AGBL1: variants seen among roughly 807,000 people sequenced by gnomAD.
AGBL1 encodes cytosolic carboxypeptidase 4.
A neutral mutation model predicts 118.9 loss-of-function variants in AGBL1; 130 were observed. The observed-to-expected ratio is 1.09, with a 90% confidence interval of 0.95 to 1.26. The LOEUF (loss-of-function observed/expected upper bound fraction) is 1.26. AGBL1 is among the 50% of genes most tolerant of loss of function. AGBL1 has a pLI of 0.00. For missense variants in AGBL1, 1,584 were observed against 1,298.1 expected, an observed-to-expected ratio of 1.22 and a Z score of -3.38; for synonymous variants, 555 against 478.9, an observed-to-expected ratio of 1.16 and a Z score of -2.08.
chr15:86,919,741 C>T (rs761667181), downstream of AGBL1, among the ~76,000 whole-genome samples: 26 of 152,314 alleles, frequency 1.7e-4, no homozygotes, highest in Admixed American at 1.2e-3. Flanking sequence ...GAAGCGACTG[C>T]GGCAAGCTCT....
rs58824729 is a variant in AGBL1 at position 86,402,187 on chromosome 15, G to GTTATTTAT, written c.2555+4664_2555+4671dup. Among the ~76,000 whole-genome samples, 87 of 151,346 alleles carry GTTATTTAT rather than the reference G, an allele frequency of 5.7e-4. 1 individual carries two copies. Among genetic ancestry groups the GTTATTTAT allele is most frequent in the African/African-American group, 2.0e-3 (84 of 41,124 alleles). On this transcript the variant is annotated intron_variant, in intron 18 of 22. Transcript: ENST00000614907. ...CCTCCTTGGTTAAGTGTATTTCTAG[G>GTTATTTAT]TTATTTATTTATTTATTTATTTATT...
At chr15:86,108,329 A>G (rs1040649346) in intron 1 of AGBL1, among the ~76,000 whole-genome samples, 6 of 152,334 alleles carry the variant, frequency 3.9e-5, no homozygotes, top group African/African-American at 7.2e-5. Flanking sequence ...GTTTAAGGGC[A>G]TGGGGAATTT....
intron 22 of AGBL1, among the ~76,000 whole-genome samples, chr15:86,794,570 T>C (rs1489640546): frequency 6.6e-6 from 1 of 152,178 alleles, no homozygotes; most frequent in Admixed American, 6.5e-5. Context: ...AGCTACTGAA[T>C]TGTACACAGT....
intron 22 of AGBL1, among the ~76,000 whole-genome samples, chr15:86,800,577 A>G (rs1166497466): frequency 6.6e-6 from 1 of 152,098 alleles, no homozygotes; most frequent in Non-Finnish European, 1.5e-5. Context: ...TGGTTTACAA[A>G]TTTGGCTTAG....
At chr15:86,427,113 A>C (rs967821270) in intron 18 of AGBL1, among the ~76,000 whole-genome samples, 1 of 152,172 alleles carries the variant, frequency 6.6e-6, no homozygotes, top group Non-Finnish European at 1.5e-5. Context: ...AAGAAAAAAA[A>C]ATTGACTTCA....
chr15:86,625,400 T>TTTTTTTTC, intron 21 of AGBL1, among the ~76,000 whole-genome samples: 1 of 130,232 alleles, frequency 7.7e-6, no homozygotes, highest in East Asian at 2.5e-4. Context: ...TTTTTTTTTT[T>TTTTTTTTC]ACAAACACAG....
At chr15:86,211,928 G>T (rs559184149) in intron 5 of AGBL1, among the ~76,000 whole-genome samples, 1 of 152,154 alleles carries the variant, frequency 6.6e-6, no homozygotes, top group African/African-American at 2.4e-5. Context: ...TGTTGTTCAC[G>T]CTGGGAACTG....
intron 21 of AGBL1, among the ~76,000 whole-genome samples, chr15:86,651,013 G>A (rs769161000): frequency 2.4e-4 from 37 of 152,184 alleles, no homozygotes; most frequent in Non-Finnish European, 4.4e-4. Context: ...GCTTTCATCT[G>A]AGAAGGAAAT....
chr15:86,340,512 T>C (rs1329170665), intron 17 of AGBL1, among the ~76,000 whole-genome samples: 1 of 152,178 alleles, frequency 6.6e-6, no homozygotes, highest in Non-Finnish European at 1.5e-5. Flanking sequence ...AGGGCTATGC[T>C]GTCACAAGCC....
rs367750645 is a variant in AGBL1 at position 86,827,416 on chromosome 15, T to C, written c.3159-79671T>C. ...ATATATACATATATATATGTGTATA[T>C]ATATATATATATACACATATATATA... On this transcript the variant is annotated intron_variant, in intron 22 of 22. Coordinates refer to ENST00000614907, the MANE Select transcript of AGBL1 (RefSeq NM_001386094.1). 3.2e-3 allele frequency among the ~76,000 whole-genome samples: 25 copies of C among 7,798 alleles called. 2 individuals carry two copies. Among genetic ancestry groups the C allele is most frequent in the African/African-American group, 0.01 (10 of 992 alleles). The allele number at this position is 7,798 out of a possible 152,430, so 5.1% of individuals were successfully genotyped here.
At chr15:86,770,357 GT>G (rs1054012763) in intron 22 of AGBL1, among the ~76,000 whole-genome samples, 1 of 151,842 alleles carries the variant, frequency 6.6e-6, no homozygotes, top group Non-Finnish European at 1.5e-5. Context: ...TCTGGACACG[GT>G]TTTTTTATCT....
chr15:86,484,532 G>A (rs1339109666), intron 18 of AGBL1, among the ~76,000 whole-genome samples: 3 of 152,090 alleles, frequency 2.0e-5, no homozygotes, highest in Non-Finnish European at 4.4e-5. Flanking sequence ...ACCCTCTTGA[G>A]CCCAAAGGTA....
chr15:86,560,022 C>T (rs920651812), intron 21 of AGBL1, among the ~76,000 whole-genome samples: 81 of 152,220 alleles, frequency 5.3e-4, no homozygotes, highest in African/African-American at 1.7e-3. Flanking sequence ...GTTTCTGCTA[C>T]ATTATGTTGA....
Position 86,282,538 on chromosome 15 carries a change from G to A in AGBL1, c.2220+2755G>A, listed in dbSNP as rs77811989. ...AATTTGTTACTTAAAAGTGACAAAT[G>A]TGTATTCTCAATTTTAGGTTTTACA... On this transcript the variant is annotated intron_variant, in intron 16 of 22. Transcript: ENST00000614907. 5.7e-3 allele frequency among the ~76,000 whole-genome samples: 875 copies of A among 152,258 alleles called. 10 individuals are homozygous for A. The highest frequency in any genetic ancestry group is 0.018 in the African/African-American group (762 of 41,558).
At chr15:86,730,434 A>C (rs2077511927) in intron 22 of AGBL1, among the ~76,000 whole-genome samples, 1 of 152,254 alleles carries the variant, frequency 6.6e-6, no homozygotes, top group Non-Finnish European at 1.5e-5. Context: ...TCCATTAAAC[A>C]TGGGCAAAGG....
chr15:86,925,462 C>T (rs1339390501), intron 23 of AGBL1, among the ~76,000 whole-genome samples: 1 of 152,068 alleles, frequency 6.6e-6, no homozygotes, highest in Non-Finnish European at 1.5e-5. Context: ...TACTGATAAT[C>T]AGGAAGCTTT....
At chr15:86,831,866 G>A (rs2141416550) in intron 22 of AGBL1, among the ~76,000 whole-genome samples, 1 of 152,316 alleles carries the variant, frequency 6.6e-6, no homozygotes, top group East Asian at 1.9e-4. Context: ...CACTACCCTA[G>A]CAGAGGTTCT....
Position 86,799,857 on chromosome 15 carries a change from G to T in AGBL1, c.3159-107230G>T, listed in dbSNP as rs549663298. On this transcript the variant is annotated intron_variant, in intron 22 of 22. Transcript: ENST00000614907. ...TAATAATACTTGAAGTCATCAAAAA[G>T]TTCAAAGATTAATTACCATGTAACT... Among the ~76,000 whole-genome samples the T allele has an allele frequency of 2.0e-5, 3 of 152,194 alleles. No individual in the cohort carries two copies. The South Asian group carries it at 6.2e-4, about 32-fold the overall frequency.
At chr15:86,317,887 T>C (rs2080041220) in intron 17 of AGBL1, among the ~76,000 whole-genome samples, 2 of 152,306 alleles carry the variant, frequency 1.3e-5, no homozygotes, top group South Asian at 4.1e-4. Context: ...CTATAGAATA[T>C]AAGTTTCATA....
Sources: allele counts gnomAD v4.1 joint callset (sites outside exome capture counted in the v4.1 genomes callset), GRCh38; gene constraint gnomAD v4.1.1; transcripts MANE v1.5; gene names NCBI Gene and HGNC (gene_info 2026-07-23, HGNC 2026-07-21).